Variants in ASRGL1 observed in about 807,000 individuals in gnomAD.
ASRGL1 encodes isoaspartyl peptidase/L-asparaginase.
Under a neutral mutation model 22.4 loss-of-function variants are expected in ASRGL1, and 16 were observed. The observed-to-expected ratio is 0.71, with a 90% CI of 0.48 to 1.08. The LOEUF is 1.08. Ranked by LOEUF, ASRGL1 falls within the 50% of genes least tolerant of loss-of-function variation. The pLI is 0.00. For missense variants in ASRGL1, 412 were observed against 410.1 expected (o/e 1.00, Z -0.04); for synonymous variants, 165 against 159.3 (o/e 1.04, Z -0.27).
intron 2 of ASRGL1, among the ~76,000 whole-genome samples, chr11:62,352,039 A>C (rs956764582): frequency 6.6e-6 from 1 of 152,156 alleles, no homozygotes. Context: ...ATTTGCCCTT[A>C]TCTGTGTTAT....
intron 2 of ASRGL1, among the ~76,000 whole-genome samples, chr11:62,347,639 C>A (rs555454480): frequency 6.0e-4 from 88 of 146,078 alleles, no homozygotes; most frequent in African/African-American, 2.0e-3. Flanking sequence ...AAAAAAAAAA[C>A]CGTGTAAGAC....
chr11:62,370,337 G>A (rs1466141138), intron 4 of ASRGL1, among the ~76,000 whole-genome samples: 1 of 152,134 alleles, frequency 6.6e-6, no homozygotes, highest in Non-Finnish European at 1.5e-5. Flanking sequence ...CCTAACACTA[G>A]CATATAAGAG....
At chr11:62,358,944 T>A (rs773041047) in intron 4 of ASRGL1, among the ~76,000 whole-genome samples, 1 of 152,228 alleles carries the variant, frequency 6.6e-6, no homozygotes, top group Non-Finnish European at 1.5e-5. Context: ...TCACAAAGTA[T>A]TATTTCCCTG....
chr11:62,362,926 TTTTTTTTTTTG>T (rs1946517592), intron 4 of ASRGL1, among the ~76,000 whole-genome samples: 1 of 66,844 alleles, frequency 1.5e-5, no homozygotes, highest in East Asian at 4.3e-4. Flanking sequence ...TTTTTTTTTT[TTTTTTTTTTTG>T]AGACAGAGTC....
intron 2 of ASRGL1, among the ~76,000 whole-genome samples, chr11:62,340,527 A>C (rs1403456076): frequency 2.0e-5 from 3 of 152,146 alleles, no homozygotes; most frequent in African/African-American, 7.2e-5. Context: ...CTCTTATTCT[A>C]ACAATTTGTC....
chr11:62,401,043 C>T, the ASRGL1 span, among the ~76,000 whole-genome samples: 1 of 152,208 alleles, frequency 6.6e-6, no homozygotes, highest in East Asian at 1.9e-4. Context: ...AGCCCCTCGG[C>T]CTGGGAAAGC....
chr11:62,362,585 A>T (rs1156647416), intron 4 of ASRGL1, among the ~76,000 whole-genome samples: 22 of 24,932 alleles, frequency 8.8e-4, no homozygotes, highest in Admixed American at 2.0e-3. Context: ...ATTATATAAA[A>T]TATATAATAT....
rs370058059 is a variant in ASRGL1 at position 62,381,401 on chromosome 11, C to G, written c.492-7732C>G. Reference sequence around the variant, plus strand: ...CTCTGCTACATATTTACAATGTGAACTTTTGAACTTTCCATTCCTTTCTGG... The same window carrying G: ...CTCTGCTACATATTTACAATGTGAAGTTTTGAACTTTCCATTCCTTTCTGG... On this transcript the variant is annotated intron_variant, in intron 4 of 6. Coordinates refer to ENST00000415229, the MANE Select transcript of ASRGL1 (RefSeq NM_001083926.2). Among the ~76,000 whole-genome samples the G allele has an allele frequency of 3.3e-5, 5 of 152,290 alleles. No individual in the cohort carries two copies. The East Asian group carries it at 7.7e-4, about 23-fold the overall frequency.
Position 62,376,888 on chromosome 11 carries a change from C to T in ASRGL1, c.492-12245C>T, listed in dbSNP as rs192786761. Among the ~76,000 whole-genome samples the T allele has an allele frequency of 4.8e-3, 732 of 152,256 alleles. 5 individuals carry two copies. Among genetic ancestry groups the T allele is most frequent in the Non-Finnish European group, 5.8e-3 (398 of 68,038 alleles). On this transcript the variant is annotated intron_variant, in intron 4 of 6. Transcript: ENST00000415229. ...TTTTTTAACATGGGAAGTACTTTCT[C>T]CTGTTTGGCAAGCTGCCCATATGAA...
intron 4 of ASRGL1, 169 bp downstream of exon 4, chr11:62,357,313 G>A (rs746334662): frequency 1.3e-6 from 1 of 774,906 alleles, no homozygotes; most frequent in East Asian, 3.1e-5. Flanking sequence ...ACAGTGGTGC[G>A]ATCTCGGCTC....
At chr11:62,370,911 T>TACCATGTG (rs1946742521) in intron 4 of ASRGL1, among the ~76,000 whole-genome samples, 1 of 152,188 alleles carries the variant, frequency 6.6e-6, no homozygotes, top group African/African-American at 2.4e-5. Flanking sequence ...ACATTCTGTT[T>TACCATGTG]ACCATGTGAT....
At chr11:62,338,558 A>G (rs775700774) in intron 2 of ASRGL1, among the ~76,000 whole-genome samples, 1 of 152,202 alleles carries the variant, frequency 6.6e-6, no homozygotes, top group Non-Finnish European at 1.5e-5. Context: ...CTGATGAACA[A>G]TTGATTTAAA....
At chr11:62,341,851 C>A (rs1037353983) in intron 2 of ASRGL1, among the ~76,000 whole-genome samples, 5 of 152,226 alleles carry the variant, frequency 3.3e-5, no homozygotes, top group Non-Finnish European at 7.3e-5. Context: ...TCACTCCCAG[C>A]CCCTGGCAAC....
In ASRGL1 at chr11:62,389,165, A is replaced by T. The variant is rs1565175843; in HGVS notation, c.524A>T (p.Asp175Val). ...NLGTVGAVALDCKGNVAYATS... is the reference protein window; with the variant it reads ...NLGTVGAVALVCKGNVAYATS... ...GGAACCGTGGGTGCTGTTGCCTTGG[A>T]CTGCAAAGGGAATGTAGCCTACGCA... The change falls in exon 5 of 7, where the codon GAC becomes GTC. Residue 175 changes from aspartate to valine, a missense_variant. Asp to Val is a radical substitution (Grantham distance 152). Transcript: ENST00000415229. The T allele has an allele frequency of 6.2e-7, 1 of 1,613,806 alleles. No individual in the cohort carries two copies. The highest frequency in any genetic ancestry group is 2.2e-5 in the East Asian group (1 of 44,862).
At chr11:62,341,710 T>G (rs1945867218) in intron 2 of ASRGL1, among the ~76,000 whole-genome samples, 1 of 152,210 alleles carries the variant, frequency 6.6e-6, no homozygotes. Flanking sequence ...TGGTATAATT[T>G]GCATATAGTA....
At chr11:62,361,276 C>T (rs777359401) in intron 4 of ASRGL1, among the ~76,000 whole-genome samples, 3 of 152,012 alleles carry the variant, frequency 2.0e-5, no homozygotes, top group Non-Finnish European at 4.4e-5. Context: ...ACTGCAGCCT[C>T]AATCTCCCAG....
At chr11:62,387,699 TG>T (rs1947248191) in intron 4 of ASRGL1, among the ~76,000 whole-genome samples, 1 of 152,210 alleles carries the variant, frequency 6.6e-6, no homozygotes, top group African/African-American at 2.4e-5. Context: ...TTTGTTTTTT[TG>T]TTTGGGTTTT....
rs112036030 is a variant in ASRGL1 at position 62,360,761 on chromosome 11, C to A, written c.491+3617C>A. Among the ~76,000 whole-genome samples the A allele has an allele frequency of 1.0e-2, 1,519 of 152,222 alleles. 30 individuals are homozygous for A. Among genetic ancestry groups the A allele is most frequent in the African/African-American group, 0.032 (1,328 of 41,538 alleles). ...TCATGGCAACCTCCTTCTTTACTAA[C>A]GGAAGATTTAATTGCTAATCATGAA... On this transcript the variant is annotated intron_variant, in intron 4 of 6. Coordinates refer to ENST00000415229, the MANE Select transcript of ASRGL1 (RefSeq NM_001083926.2).
At chr11:62,366,533 T>C (rs1225201051) in intron 4 of ASRGL1, among the ~76,000 whole-genome samples, 2 of 129,484 alleles carry the variant, frequency 1.5e-5, no homozygotes, top group Non-Finnish European at 3.7e-5. Context: ...AATTTGCTCT[T>C]CCCTGACAGT....
Sources: gnomAD v4.1 joint callset for allele counts (sites outside exome capture counted in the v4.1 genomes callset) on GRCh38, gnomAD v4.1.1 for gene constraint, MANE v1.5 for transcripts, NCBI Gene and HGNC (gene_info 2026-07-23, HGNC 2026-07-21) for gene names.